PHACTR3: variants seen among roughly 807,000 people sequenced by gnomAD.
PHACTR3 encodes the protein protein phosphatase 1, regulatory subunit 123.
PHACTR3 carries 16 observed loss-of-function variants against 66.8 expected under a neutral mutation model. That is an observed-to-expected ratio of 0.24 (90% CI 0.16 to 0.36). The LOEUF (loss-of-function observed/expected upper bound fraction) is 0.36. Ranked by LOEUF, PHACTR3 falls within the 10% of genes least tolerant of loss-of-function variation. The probability of loss-of-function intolerance (pLI) is 1.00; values close to 1 mark genes in which losing one functional copy is unlikely to be tolerated. For synonymous variants in PHACTR3, 323 were observed against 292.1 expected, an observed-to-expected ratio of 1.11 and a Z score of -1.08; for missense variants, 647 against 719.9, an observed-to-expected ratio of 0.90 and a Z score of 1.16.
chr20:59,607,881 A>G (rs1015239208), intron 1 of PHACTR3, among the ~76,000 whole-genome samples: 1 of 151,952 alleles, frequency 6.6e-6, no homozygotes, highest in African/African-American at 2.4e-5. Flanking sequence ...TCCAGTTTTT[A>G]CCCACTACAG....
chr20:59,643,919 T>C (rs1600993372), intron 1 of PHACTR3, among the ~76,000 whole-genome samples: 1 of 152,264 alleles, frequency 6.6e-6, no homozygotes, highest in Non-Finnish European at 1.5e-5. Flanking sequence ...CTTGGCGTTG[T>C]TTGGTGGACT....
intron 1 of PHACTR3, among the ~76,000 whole-genome samples, chr20:59,712,459 C>T (rs2037943531): frequency 6.6e-6 from 1 of 152,142 alleles, no homozygotes; most frequent in Non-Finnish European, 1.5e-5. Flanking sequence ...AGATACTCTT[C>T]CTTGTCATTT....
At chr20:59,585,393 G>A (rs1050438237) in intron 1 of PHACTR3, among the ~76,000 whole-genome samples, 1 of 152,226 alleles carries the variant, frequency 6.6e-6, no homozygotes, top group East Asian at 1.9e-4. Context: ...GGCAGATTTC[G>A]ACCCAGGCAC....
chr20:59,730,127 C>T (rs1601208288), intron 1 of PHACTR3, among the ~76,000 whole-genome samples: 1 of 152,160 alleles, frequency 6.6e-6, no homozygotes, highest in South Asian at 2.1e-4. Flanking sequence ...CTGTACAGGT[C>T]ACACTTGGTC....
chr20:59,731,269 A>G lies in PHACTR3; in HGVS notation c.119-11838A>G, dbSNP rs536897890. Among the ~76,000 whole-genome samples the G allele has an allele frequency of 3.5e-4, 53 of 152,312 alleles. No individual in the cohort carries two copies. In the South Asian group the frequency reaches 0.011, roughly 31 times the overall value. Reference sequence around the variant, plus strand: ...TCATTTTCCTCCTTTTCTGTAAAATATAATCTCAGGGAAGAAGTTTGTAAA... The same window carrying G: ...TCATTTTCCTCCTTTTCTGTAAAATGTAATCTCAGGGAAGAAGTTTGTAAA... On this transcript the variant is annotated intron_variant, in intron 1 of 12. Coordinates refer to ENST00000371015, the MANE Select transcript of PHACTR3 (RefSeq NM_080672.5).
intron 1 of PHACTR3, among the ~76,000 whole-genome samples, chr20:59,674,583 CCCTTCTCCT>C (rs2036337279): frequency 2.0e-5 from 1 of 49,876 alleles, no homozygotes; most frequent in Non-Finnish European, 3.4e-5. Context: ...TCCTGTTCCC[CCCTTCTCCT>C]GTCCCCGCTT....
chr20:59,614,188 G>A (rs907302929), intron 1 of PHACTR3, among the ~76,000 whole-genome samples: 9 of 152,184 alleles, frequency 5.9e-5, no homozygotes, highest in Admixed American at 3.9e-4. Context: ...ACTGGAAAGC[G>A]GTCCTCTGTC....
chr20:59,692,726 T>C (rs542033243), intron 1 of PHACTR3, among the ~76,000 whole-genome samples: 6 of 152,186 alleles, frequency 3.9e-5, no homozygotes, highest in Non-Finnish European at 8.8e-5. Context: ...TGGAAAGAGT[T>C]GGAACCAGGG....
intron 11 of PHACTR3, chr20:59,844,287 G>T (rs1009079406): frequency 6.6e-6 from 1 of 152,016 alleles, no homozygotes; most frequent in African/African-American, 2.4e-5. Flanking sequence ...AAAACTATAT[G>T]ATCCAGAAAT....
intron 1 of PHACTR3, among the ~76,000 whole-genome samples, chr20:59,739,057 C>A (rs1253074746): frequency 6.6e-6 from 1 of 152,092 alleles, no homozygotes; most frequent in Non-Finnish European, 1.5e-5. Context: ...CCTGTACATC[C>A]CTCTGCCTCC....
At chr20:59,799,593 A>G (rs2041353624) in intron 7 of PHACTR3, among the ~76,000 whole-genome samples, 1 of 152,210 alleles carries the variant, frequency 6.6e-6, no homozygotes, top group Non-Finnish European at 1.5e-5. Flanking sequence ...TAATGTGCCC[A>G]TTTCAGCTCT....
intron 1 of PHACTR3, among the ~76,000 whole-genome samples, chr20:59,657,671 G>A (rs1160292951): frequency 1.3e-5 from 2 of 152,084 alleles, no homozygotes; most frequent in Non-Finnish European, 2.9e-5. Flanking sequence ...GAAGTCTGCT[G>A]TTAATCCTAT....
chr20:59,742,465 C>CAT (rs2146765273), intron 1 of PHACTR3, among the ~76,000 whole-genome samples: 1 of 142,216 alleles, frequency 7.0e-6, no homozygotes, highest in East Asian at 1.9e-4. Context: ...TGCTCACAGA[C>CAT]GTGCTCACAG....
chr20:59,763,188 ACT>A (rs1283273561), intron 4 of PHACTR3, among the ~76,000 whole-genome samples: 1 of 151,554 alleles, frequency 6.6e-6, no homozygotes, highest in Non-Finnish European at 1.5e-5. Context: ...TTTATAAGAG[ACT>A]CTTCCCCCTT....
chr20:59,743,476 T>A (rs899198712), intron 2 of PHACTR3, among the ~76,000 whole-genome samples: 3 of 152,052 alleles, frequency 2.0e-5, no homozygotes, highest in Admixed American at 6.5e-5. Flanking sequence ...TGGGGTGGAG[T>A]TGGCACCAGG....
intron 1 of PHACTR3, among the ~76,000 whole-genome samples, chr20:59,685,910 A>T (rs2036845156): frequency 6.6e-6 from 1 of 152,190 alleles, no homozygotes; most frequent in Non-Finnish European, 1.5e-5. Flanking sequence ...TGTCCCCTGC[A>T]CTGCATCAAC....
chr20:59,638,703 GGGATGGGTGGGT>G (rs2034985917), intron 1 of PHACTR3, among the ~76,000 whole-genome samples: 2 of 141,548 alleles, frequency 1.4e-5, no homozygotes, highest in Admixed American at 1.4e-4. Context: ...GGTGGGTGGA[GGGATGGGTGGGT>G]GGATGGATGG....
chr20:59,698,951 T>C (rs775845375), intron 1 of PHACTR3, among the ~76,000 whole-genome samples: 4 of 152,180 alleles, frequency 2.6e-5, no homozygotes, highest in Non-Finnish European at 5.9e-5. Flanking sequence ...GCCTGGTAAG[T>C]ACATTCAGAA....
chr20:59,764,899 A>T (rs1292933984), intron 4 of PHACTR3, among the ~76,000 whole-genome samples: 6 of 152,180 alleles, frequency 3.9e-5, no homozygotes, highest in African/African-American at 1.4e-4. Flanking sequence ...TGGGCTGGCT[A>T]CTGAGAGCTC....
Sources: allele counts gnomAD v4.1 joint callset (sites outside exome capture counted in the v4.1 genomes callset), GRCh38; gene constraint gnomAD v4.1.1; transcripts MANE v1.5; gene names NCBI Gene and HGNC (gene_info 2026-07-23, HGNC 2026-07-21).